The following PDZRN4 variants were observed in gnomAD, a reference collection of about 807,000 sequenced individuals.
PDZRN4 encodes the protein PDZ domain containing ring finger 4.
In PDZRN4, 70 loss-of-function variants were observed where a neutral mutation model predicts 99.0. The observed-to-expected ratio is 0.71, with a 90% CI of 0.58 to 0.86. The LOEUF is 0.86. PDZRN4 is among the 40% of genes least tolerant of loss of function. The pLI, the probability that PDZRN4 is intolerant of heterozygous loss-of-function variation, is 0.00. For synonymous variants in PDZRN4, 551 were observed against 501.6 expected, an observed-to-expected ratio of 1.10 and a Z score of -1.32; for missense variants, 1,474 against 1,331.2, an observed-to-expected ratio of 1.11 and a Z score of -1.67.
At chr12:41,532,178 T>C (rs2120742659) in intron 5 of PDZRN4, among the ~76,000 whole-genome samples, 1 of 152,300 alleles carries the variant, frequency 6.6e-6, no homozygotes, top group African/African-American at 2.4e-5. Flanking sequence ...TAATTGAAAG[T>C]CCATTTTTCA....
At chr12:41,536,568 A>T (rs960708059) in intron 5 of PDZRN4, among the ~76,000 whole-genome samples, 1 of 152,146 alleles carries the variant, frequency 6.6e-6, no homozygotes, top group African/African-American at 2.4e-5. Context: ...CCTAATATCA[A>T]CCATGGACTT....
chr12:41,514,806 A>G (rs1197238810), intron 5 of PDZRN4, among the ~76,000 whole-genome samples: 1 of 152,092 alleles, frequency 6.6e-6, no homozygotes, highest in Admixed American at 6.6e-5. Flanking sequence ...TTGTTCTTGG[A>G]GTCAGGAGTT....
chr12:41,567,447 C>T (rs117887121), intron 8 of PDZRN4, among the ~76,000 whole-genome samples: 2,003 of 152,198 alleles, frequency 0.013, 25 homozygotes, highest in Non-Finnish European at 0.019. Flanking sequence ...CCTTTTAACA[C>T]GGGACTGTTG....
chr12:41,423,460 G>A (rs1214214170), intron 3 of PDZRN4, among the ~76,000 whole-genome samples: 5 of 152,010 alleles, frequency 3.3e-5, no homozygotes, highest in East Asian at 1.9e-4. Flanking sequence ...CCATGTCTCC[G>A]CAAAGGGCAT....
chr12:41,549,424 T>G (rs1337290140), intron 5 of PDZRN4, among the ~76,000 whole-genome samples: 2 of 152,196 alleles, frequency 1.3e-5, no homozygotes, highest in Admixed American at 1.3e-4. Context: ...GGTAGCTGCT[T>G]ATGAGTTATT....
At chr12:41,402,190 T>C (rs1335974482) in intron 3 of PDZRN4, among the ~76,000 whole-genome samples, 4 of 17,406 alleles carry the variant, frequency 2.3e-4, no homozygotes, top group South Asian at 1.8e-3. Context: ...TATATATATA[T>C]ACACACACAC....
At position 41,456,750 on chromosome 12, in the gene PDZRN4, C is replaced by T. The variant is rs141520996; in HGVS notation, c.844-49706C>T. Among the ~76,000 whole-genome samples the T allele has an allele frequency of 3.9e-3, 596 of 152,208 alleles. 4 individuals carry two copies. The highest frequency in any genetic ancestry group is 0.013 in the African/African-American group (544 of 41,520). On this transcript the variant is annotated intron_variant, in intron 3 of 9. Transcript: ENST00000402685. The stretch of plus-strand genomic sequence containing the variant: ...GAGCAGGCCAAATGGTGTGGTCACA[C>T]GCAGGTGCAGATAAATCTAAAGGAA...
chr12:41,557,058 G>C (rs144456992), intron 7 of PDZRN4, among the ~76,000 whole-genome samples: 40 of 150,910 alleles, frequency 2.7e-4, no homozygotes, highest in Middle Eastern at 3.5e-3. Flanking sequence ...GGCTGAGGCA[G>C]GAGAATCGCT....
chr12:41,337,971 C>A (rs2121008326), intron 3 of PDZRN4, among the ~76,000 whole-genome samples: 1 of 152,174 alleles, frequency 6.6e-6, no homozygotes, highest in Admixed American at 6.5e-5. Flanking sequence ...GTTGTCTAGG[C>A]TTGACTCAAA....
chr12:41,229,434 A>G (rs1477799712), intron 3 of PDZRN4, among the ~76,000 whole-genome samples: 2 of 152,064 alleles, frequency 1.3e-5, no homozygotes, highest in African/African-American at 2.4e-5. Flanking sequence ...CTGCTTTCTC[A>G]TTAAACAGCA....
chr12:41,458,621 G>A (rs568131667), intron 3 of PDZRN4, among the ~76,000 whole-genome samples: 2 of 152,296 alleles, frequency 1.3e-5, no homozygotes, highest in Admixed American at 1.3e-4. Context: ...GCCAGATGAA[G>A]TAAGGAGCTT....
chr12:41,318,639 T>G (rs1373296876), intron 3 of PDZRN4, among the ~76,000 whole-genome samples: 3 of 152,154 alleles, frequency 2.0e-5, no homozygotes, highest in African/African-American at 7.2e-5. Flanking sequence ...TTTCTGCAGT[T>G]GTATAATGAA....
At chr12:41,495,539 T>C (rs1937982906) in intron 3 of PDZRN4, among the ~76,000 whole-genome samples, 1 of 152,076 alleles carries the variant, frequency 6.6e-6, no homozygotes. Flanking sequence ...ATCCACACTG[T>C]CCCTGTCTTG....
chr12:41,503,904 T>C (rs1440336210), intron 3 of PDZRN4, among the ~76,000 whole-genome samples: 2 of 152,192 alleles, frequency 1.3e-5, no homozygotes, highest in Admixed American at 6.5e-5. Flanking sequence ...ACTCTACCAC[T>C]ATTAGGGATT....
intron 3 of PDZRN4, among the ~76,000 whole-genome samples, chr12:41,295,651 T>C (rs1003351062): frequency 3.9e-5 from 6 of 152,158 alleles, no homozygotes; most frequent in African/African-American, 7.2e-5. Context: ...TCAAAATTTT[T>C]GGCCACAAAA....
chr12:41,425,909 T>C (rs1041395150), intron 3 of PDZRN4, among the ~76,000 whole-genome samples: 4 of 152,192 alleles, frequency 2.6e-5, no homozygotes, highest in Admixed American at 6.5e-5. Flanking sequence ...GTGATTTCTC[T>C]TTTGATTTCC....
chr12:41,340,980 A>C (rs1409322690), intron 3 of PDZRN4, among the ~76,000 whole-genome samples: 2 of 151,942 alleles, frequency 1.3e-5, no homozygotes, highest in Non-Finnish European at 2.9e-5. Flanking sequence ...ATACTAGCAA[A>C]CTAGCAAGCA....
chr12:41,373,127 C>G (rs937477085), intron 3 of PDZRN4, among the ~76,000 whole-genome samples: 1 of 152,094 alleles, frequency 6.6e-6, no homozygotes, highest in Non-Finnish European at 1.5e-5. Flanking sequence ...GTGTGGGTCA[C>G]AGAGATCACA....
chr12:41,377,997 G>A (rs929884014), intron 3 of PDZRN4, among the ~76,000 whole-genome samples: 17 of 152,058 alleles, frequency 1.1e-4, no homozygotes, highest in South Asian at 2.1e-4. Context: ...TGATGCTATC[G>A]CTAGAATTTC....
Sources: gnomAD v4.1 joint callset for allele counts (sites outside exome capture counted in the v4.1 genomes callset) on GRCh38, gnomAD v4.1.1 for gene constraint, MANE v1.5 for transcripts, NCBI Gene and HGNC (gene_info 2026-07-23, HGNC 2026-07-21) for gene names.